UGT1A9: variants seen among roughly 807,000 people sequenced by gnomAD.
The protein encoded by UGT1A9 is UDP-glucuronosyltransferase 1A9.
In UGT1A9, 35 loss-of-function variants were observed where a neutral mutation model predicts 45.0. The observed-to-expected ratio is 0.78, with a 90% CI of 0.59 to 1.03. UGT1A9 has a LOEUF of 1.03. UGT1A9 is among the 50% of genes least tolerant of loss of function. The pLI, the probability that UGT1A9 is intolerant of heterozygous loss-of-function variation, is 0.00. For missense variants in UGT1A9, 687 were observed against 666.6 expected, an observed-to-expected ratio of 1.03 and a Z score of -0.34; for synonymous variants, 278 against 250.6, an observed-to-expected ratio of 1.11 and a Z score of -1.03.
chr2:233,722,351 T>C (rs991919579), intron 1 of UGT1A9, among the ~76,000 whole-genome samples: 1 of 152,240 alleles, frequency 6.6e-6, no homozygotes, highest in African/African-American at 2.4e-5. Context: ...TTTCTACAAA[T>C]ATACAAGACT....
intron 1 of UGT1A9, among the ~76,000 whole-genome samples, chr2:233,757,562 G>GTATATATATA (rs1491042837): frequency 2.2e-5 from 2 of 90,868 alleles, no homozygotes; most frequent in Admixed American, 1.0e-4. Flanking sequence ...ATATATATAT[G>GTATATATATA]TATATATGAT....
chr2:233,754,899 C>A, intron 1 of UGT1A9: 2 of 1,352,028 alleles, frequency 1.5e-6, no homozygotes, highest in Non-Finnish European at 2.0e-6. Flanking sequence ...CCTCTGACCC[C>A]CCAAAATATT....
At chr2:233,744,714 G>C (rs1253738430) in intron 1 of UGT1A9, among the ~76,000 whole-genome samples, 4 of 151,880 alleles carry the variant, frequency 2.6e-5, no homozygotes, top group Non-Finnish European at 5.9e-5. Context: ...ACACTTGTGA[G>C]AGAATGACGG....
At position 233,769,699 on chromosome 2, in the gene UGT1A9, A is replaced by G. The variant is rs1699920777; in HGVS notation, c.1295+1260A>G. On this transcript the variant is annotated intron_variant, in intron 4 of 4. Transcript: ENST00000354728. The surrounding 1 kb of genome is among the most constrained non-coding windows in gnomAD (Gnocchi z 4.4). ...TGTGTGTGGTGGCACTGGATAAAAG[A>G]TCAATGTTGGCTAGGCACCATGGCA... 4 of 1,529,942 alleles carry G rather than the reference A, an allele frequency of 2.6e-6. No individual in the cohort carries two copies. The South Asian group carries it at 3.8e-5, about 14-fold the overall frequency. 94.8% of individuals were successfully genotyped at this position (1,529,942 alleles called of 1,614,324 possible). A position where few individuals can be genotyped will look rare whatever the true frequency, so the allele number is the denominator to read the frequency against.
chr2:233,740,376 T>C lies in UGT1A9; in HGVS notation c.856-26658T>C, dbSNP rs543256832. On this transcript the variant is annotated intron_variant, in intron 1 of 4. Coordinates refer to ENST00000354728, the MANE Select transcript of UGT1A9 (RefSeq NM_021027.3). Reference sequence around the variant, plus strand: ...AATTAGAAATTCCTAGAAAGGTAAGTTGTTGTGTGAATTATTTCCCAAAAT... The same window carrying C: ...AATTAGAAATTCCTAGAAAGGTAAGCTGTTGTGTGAATTATTTCCCAAAAT... 9.3e-4 allele frequency among the ~76,000 whole-genome samples: 142 copies of C among 151,968 alleles called. No homozygotes were observed. In the South Asian group the frequency reaches 0.011, roughly 12 times the overall value.
chr2:233,741,733 T>C (rs968212915), intron 1 of UGT1A9: 2 of 151,882 alleles, frequency 1.3e-5, no homozygotes, highest in African/African-American at 4.9e-5. Flanking sequence ...TCCAAACCCA[T>C]ATCACACTCT....
chr2:233,757,306 AG>A (rs1394181032), intron 1 of UGT1A9, among the ~76,000 whole-genome samples: 3 of 7,688 alleles, frequency 3.9e-4, no homozygotes, highest in African/African-American at 1.6e-3. Context: ...GTTGGGGGAC[AG>A]GGGGGCTGGG....
Position 233,768,378 on chromosome 2 carries a change from G to T in UGT1A9, c.1234G>T (p.Val412Phe). 6.2e-7 allele frequency: 1 copy of T among 1,614,156 alleles called. No homozygotes were observed. The highest frequency in any genetic ancestry group is 1.1e-5 in the South Asian group (1 of 91,088). ...ETKGAGVTLNVLEMTSEDLEN... is the reference protein window; with the variant it reads ...ETKGAGVTLNFLEMTSEDLEN... ...TAAGGGAGCTGGAGTGACCCTGAAT[G>T]TTCTGGAAATGACTTCTGAAGATTT... Residue 412 changes from valine (V) to phenylalanine (F), a missense_variant, in exon 4 of 5, where the codon GTT (valine) becomes TTT (phenylalanine). Transcript: ENST00000354728.
chr2:233,677,738 A>G (rs1290353170), intron 1 of UGT1A9, among the ~76,000 whole-genome samples: 1 of 152,184 alleles, frequency 6.6e-6, no homozygotes, highest in Non-Finnish European at 1.5e-5. Context: ...GGGAATGCAA[A>G]TTAGTTCATC....
At chr2:233,772,226 G>C (rs1559419626) in intron 4 of UGT1A9, 36 bp from the exon 5 acceptor site, 2 of 1,613,458 alleles carry the variant, frequency 1.2e-6, no homozygotes, top group Non-Finnish European at 1.7e-6. Context: ...CATACCACAG[G>C]TGTTCCAGGC....
intron 1 of UGT1A9, chr2:233,713,447 C>A: frequency 6.2e-7 from 1 of 1,614,140 alleles, no homozygotes; most frequent in Non-Finnish European, 8.5e-7. Context: ...TTCTAACAGA[C>A]CCCTTTCACC....
chr2:233,767,623 T>C (rs188657722), intron 2 of UGT1A9, among the ~76,000 whole-genome samples: 5 of 152,322 alleles, frequency 3.3e-5, no homozygotes, highest in African/African-American at 1.2e-4. Flanking sequence ...GTGCACAGCT[T>C]GATAAATTAT....
chr2:233,756,814 A>G (rs985210538), intron 1 of UGT1A9, among the ~76,000 whole-genome samples: 39 of 152,110 alleles, frequency 2.6e-4, no homozygotes, highest in Admixed American at 5.2e-4. Flanking sequence ...AGGTCACTCA[A>G]TTCCAAGGGG....
At chr2:233,713,545 C>T (rs754205672) in intron 1 of UGT1A9, 16 of 1,613,878 alleles carry the variant, frequency 9.9e-6, no homozygotes, top group African/African-American at 1.3e-5. Context: ...TTTAAGGGCA[C>T]ACAGTGTCCA....
intron 1 of UGT1A9, chr2:233,691,120 AGC>A (rs1230467819): frequency 1.4e-5 from 14 of 985,756 alleles, no homozygotes; most frequent in Non-Finnish European, 1.7e-5. Context: ...TGCTTGCTTA[AGC>A]CATTCTTCCT....
At chr2:233,758,140 G>C (rs572849917) in intron 1 of UGT1A9, among the ~76,000 whole-genome samples, 1 of 152,156 alleles carries the variant, frequency 6.6e-6, no homozygotes, top group African/African-American at 2.4e-5. Context: ...GGCAGATGAG[G>C]GAATTAGCAA....
intron 1 of UGT1A9, among the ~76,000 whole-genome samples, chr2:233,694,933 G>A (rs2075249431): frequency 1.3e-5 from 2 of 152,182 alleles, no homozygotes; most frequent in African/African-American, 4.8e-5. Flanking sequence ...GATCAAATCA[G>A]GGTAATTGAG....
intron 1 of UGT1A9, among the ~76,000 whole-genome samples, chr2:233,750,359 T>C (rs1390894315): frequency 6.6e-6 from 1 of 151,860 alleles, no homozygotes; most frequent in Non-Finnish European, 1.5e-5. Context: ...AACTTATGTT[T>C]AAAAGGGAAG....
At chr2:233,738,547 G>T (rs1209764817) in intron 1 of UGT1A9, among the ~76,000 whole-genome samples, 1 of 152,216 alleles carries the variant, frequency 6.6e-6, no homozygotes, top group African/African-American at 2.4e-5. Context: ...CTGAGTCTCA[G>T]ATAGAGATGA....
Sources: gnomAD v4.1 joint callset for allele counts (sites outside exome capture counted in the v4.1 genomes callset) on GRCh38, gnomAD v4.1.1 for gene constraint, Gnocchi (gnomAD v3.1) non-coding constraint, MANE v1.5 for transcripts, NCBI Gene and HGNC (gene_info 2026-07-23, HGNC 2026-07-21) for gene names.